Variants in FMN1 observed in about 807,000 individuals in gnomAD.
The protein encoded by FMN1 is formin 1, also known as formin-1.
Under a neutral mutation model 132.4 loss-of-function variants are expected in FMN1, and 110 were observed. That is an observed-to-expected ratio of 0.83 (90% CI 0.71 to 0.97). FMN1 has a LOEUF of 0.97. Among genes scored for constraint, FMN1 ranks in the 50% least tolerant of loss-of-function variants. The pLI is 0.00. For missense variants in FMN1, 1,792 were observed against 1,705.3 expected, an observed-to-expected ratio of 1.05 and a Z score of -0.90; for synonymous variants, 722 against 651.7, an observed-to-expected ratio of 1.11 and a Z score of -1.64.
In FMN1 at chr15:33,038,207, G is replaced by A. The variant is rs1416614929; in HGVS notation, c.2161+26750C>T. Among the ~76,000 whole-genome samples the A allele has an allele frequency of 1.3e-5, 2 of 152,324 alleles. 1 individual carries two copies. Reference sequence around the variant, plus strand: ...CGCACCACTGCACTCCAGCCTGGGCGACAGAGTGAGACTCCGCCTCAAACA... The same window carrying A: ...CGCACCACTGCACTCCAGCCTGGGCAACAGAGTGAGACTCCGCCTCAAACA... On this transcript the variant is annotated intron_variant, in intron 6 of 20. Coordinates refer to ENST00000616417, the MANE Select transcript of FMN1 (RefSeq NM_001277313.2).
chr15:33,010,909 A>G (rs895928164), intron 6 of FMN1, among the ~76,000 whole-genome samples: 1 of 151,986 alleles, frequency 6.6e-6, no homozygotes, highest in Non-Finnish European at 1.5e-5. Context: ...CTAAAAAAAA[A>G]AAAATAAACG....
intron 4 of FMN1, among the ~76,000 whole-genome samples, chr15:33,111,124 A>C (rs561272095): frequency 2.3e-4 from 35 of 152,230 alleles, no homozygotes; most frequent in African/African-American, 8.4e-4. Flanking sequence ...GAGATGATTC[A>C]TTTGTGTGTT....
At chr15:33,067,375 A>G in intron 5 of FMN1, 1 of 1,613,978 alleles carries the variant, frequency 6.2e-7, no homozygotes, top group South Asian at 1.1e-5. Flanking sequence ...ATAAAACACC[A>G]CTAGGGGACT....
At chr15:32,957,303 T>A (rs1016441149) in intron 9 of FMN1, among the ~76,000 whole-genome samples, 1 of 138,446 alleles carries the variant, frequency 7.2e-6, no homozygotes, top group Non-Finnish European at 1.5e-5. Flanking sequence ...CAGTTCTTTT[T>A]TTTTTTTTTT....
At chr15:33,151,144 A>G (rs1354267463) in intron 4 of FMN1, 1 of 1,452,458 alleles carries the variant, frequency 6.9e-7, no homozygotes. Context: ...CAAAGGTACT[A>G]TCTGGGGAAC....
chr15:32,825,854 C>G (rs2058351858), intron 17 of FMN1, among the ~76,000 whole-genome samples: 1 of 152,224 alleles, frequency 6.6e-6, no homozygotes, highest in African/African-American at 2.4e-5. Flanking sequence ...GGCACAATAT[C>G]TGACACACTG....
In FMN1 at chr15:32,910,511, A is replaced by G; in HGVS notation, c.3251T>C (p.Val1084Ala). 1 of 1,578,508 alleles carries G rather than the reference A, an allele frequency of 6.3e-7. No individual in the cohort carries two copies. The highest frequency in any genetic ancestry group is 8.6e-7 in the Non-Finnish European group (1 of 1,161,528). ...QQAIFNVDDS[V>A]VDLETLAALY... is the part of the protein sequence containing the mutation. ...GGCTGCCAGGGTCTCCAGATCAACC[A>G]CGGAGTCATCCACATTGAAAATGGC... The change falls in exon 11 of 21, where the codon GTG (valine) becomes GCG (alanine). Residue 1084 changes from valine to alanine, a missense_variant. This residue lies in a region of FMN1 where 1,150 missense variants were observed against 1,043.1 expected (regional missense o/e 1.10). Coordinates refer to ENST00000616417, the MANE Select transcript of FMN1 (RefSeq NM_001277313.2).
At chr15:33,007,099 T>C (rs1033358492) in intron 7 of FMN1, among the ~76,000 whole-genome samples, 3 of 152,196 alleles carry the variant, frequency 2.0e-5, no homozygotes, top group African/African-American at 7.2e-5. Flanking sequence ...GCAATGTATG[T>C]GAGACAAAGT....
chr15:32,801,006 A>C (rs1037511191), intron 18 of FMN1, among the ~76,000 whole-genome samples: 30 of 152,198 alleles, frequency 2.0e-4, no homozygotes, highest in African/African-American at 7.2e-4. Flanking sequence ...TTAGAGGGAC[A>C]ACTTATCTTC....
chr15:33,099,805 T>C (rs2039226191), intron 4 of FMN1, among the ~76,000 whole-genome samples: 1 of 152,188 alleles, frequency 6.6e-6, no homozygotes, highest in Non-Finnish European at 1.5e-5. Context: ...GGAATTTAAG[T>C]GGGAATATGG....
chr15:32,809,306 C>T (rs184984192), intron 17 of FMN1, among the ~76,000 whole-genome samples: 44 of 152,290 alleles, frequency 2.9e-4, no homozygotes, highest in African/African-American at 1.0e-3. Context: ...ATATGGTGAC[C>T]TGTAACAGGT....
chr15:33,122,905 G>A (rs1246203431), intron 4 of FMN1, among the ~76,000 whole-genome samples: 3 of 152,132 alleles, frequency 2.0e-5, no homozygotes, highest in Admixed American at 2.0e-4. Context: ...CATCTATGCA[G>A]CATGTACTAT....
At chr15:32,896,042 T>A (rs1456942555) in intron 15 of FMN1, among the ~76,000 whole-genome samples, 2 of 152,108 alleles carry the variant, frequency 1.3e-5, no homozygotes, top group Non-Finnish European at 2.9e-5. Flanking sequence ...ATTTATCTCT[T>A]CTGTTCTTTA....
intron 4 of FMN1, among the ~76,000 whole-genome samples, chr15:33,113,053 T>C (rs890337783): frequency 1.3e-5 from 2 of 152,190 alleles, no homozygotes; most frequent in African/African-American, 2.4e-5. Context: ...AAGAACAAAA[T>C]ACTTATATCT....
chr15:33,062,478 C>T (rs1170492592), intron 6 of FMN1, among the ~76,000 whole-genome samples: 3 of 151,968 alleles, frequency 2.0e-5, no homozygotes, highest in Admixed American at 1.3e-4. Context: ...AAAAAATAGT[C>T]GGGCATGGTG....
intron 4 of FMN1, chr15:33,151,242 A>T (rs1290859193): frequency 2.0e-6 from 3 of 1,535,866 alleles, no homozygotes; most frequent in Non-Finnish European, 2.6e-6. Context: ...GAAGTTACCC[A>T]TATCAAAAAA....
chr15:33,100,614 T>A (rs140173725), intron 4 of FMN1, among the ~76,000 whole-genome samples: 1,661 of 152,256 alleles, frequency 0.011, 26 homozygotes, highest in Non-Finnish European at 0.016. Flanking sequence ...ATATTTACTA[T>A]TTGGTTTTAC....
intron 7 of FMN1, among the ~76,000 whole-genome samples, chr15:32,988,732 T>C (rs1239468763): frequency 6.6e-6 from 1 of 151,762 alleles, no homozygotes; most frequent in Non-Finnish European, 1.5e-5. Flanking sequence ...TTGGCTACAA[T>C]AAACCCCGTT....
chr15:32,871,012 T>C (rs1049345484), intron 16 of FMN1, among the ~76,000 whole-genome samples: 2 of 152,108 alleles, frequency 1.3e-5, no homozygotes, highest in Admixed American at 1.3e-4. Flanking sequence ...TGTGTTAACA[T>C]GGAAGAAAAA....
Sources: gnomAD v4.1 joint callset for allele counts (sites outside exome capture counted in the v4.1 genomes callset) on GRCh38, gnomAD v4.1.1 for gene constraint, gnomAD v4.1.1 regional missense constraint, MANE v1.5 for transcripts, NCBI Gene and HGNC (gene_info 2026-07-23, HGNC 2026-07-21) for gene names.